Variants in ROBO2 observed in about 807,000 individuals in gnomAD.
ROBO2 encodes roundabout homolog 2.
Under a neutral mutation model 160.8 loss-of-function variants are expected in ROBO2, and 53 were observed. That is an observed-to-expected ratio of 0.33 (90% CI 0.26 to 0.41). The LOEUF is 0.41. ROBO2 is among the 10% of genes least tolerant of loss of function. ROBO2 has a pLI of 1.00. For synonymous variants in ROBO2, 664 were observed against 611.7 expected (o/e 1.09, Z -1.26); for missense variants, 1,577 against 1,722.4 (o/e 0.92, Z 1.49).
At chr3:77,376,490 A>G (rs1188115159) in intron 2 of ROBO2, among the ~76,000 whole-genome samples, 2 of 152,008 alleles carry the variant, frequency 1.3e-5, no homozygotes, top group African/African-American at 4.8e-5. Flanking sequence ...TATGTCAACA[A>G]GCTAAAATTC....
At position 77,187,531 on chromosome 3, in the gene ROBO2, A is replaced by G. The variant is rs74729106; in HGVS notation, c.388+89191A>G. Among the ~76,000 whole-genome samples the G allele has an allele frequency of 5.9e-3, 897 of 152,066 alleles. 18 individuals are homozygous for G. Among genetic ancestry groups the G allele is most frequent in the African/African-American group, 0.021 (873 of 41,538 alleles). On this transcript the variant is annotated intron_variant, in intron 2 of 25. Coordinates refer to ENST00000461745, the Ensembl canonical transcript of ROBO2. ...TTGGTCTCGTTTTTACAGGCAGGTG[A>G]ATATAATGACTTGTTGCACTTATAA...
chr3:76,431,203 T>C (rs2076422976), intron 2 of ROBO2, among the ~76,000 whole-genome samples: 1 of 152,086 alleles, frequency 6.6e-6, no homozygotes, highest in Non-Finnish European at 1.5e-5. Context: ...TTTGGTTTTA[T>C]GAAAGCATAA....
At chr3:77,440,357 A>G (rs532617775) in intron 2 of ROBO2, among the ~76,000 whole-genome samples, 1 of 152,266 alleles carries the variant, frequency 6.6e-6, no homozygotes, top group African/African-American at 2.4e-5. Flanking sequence ...CTCATTATTA[A>G]CTTGAGAGTC....
chr3:77,144,808 A>G (rs1379812935), intron 2 of ROBO2, among the ~76,000 whole-genome samples: 1 of 152,186 alleles, frequency 6.6e-6, no homozygotes, highest in Non-Finnish European at 1.5e-5. Context: ...ATAAACTTAA[A>G]TATAATTTAG....
intron 24 of ROBO2, among the ~76,000 whole-genome samples, chr3:77,637,089 T>A (rs1451482715): frequency 6.6e-6 from 1 of 152,186 alleles, no homozygotes; most frequent in Non-Finnish European, 1.5e-5. Context: ...AAACTGCACA[T>A]TAGAACCATC....
At chr3:77,078,425 T>C (rs2068250330) in intron 1 of ROBO2, among the ~76,000 whole-genome samples, 1 of 152,170 alleles carries the variant, frequency 6.6e-6, no homozygotes, top group East Asian at 1.9e-4. Flanking sequence ...TACACCAAGG[T>C]TCGGGAGTTA....
At chr3:76,222,721 A>G (rs1704047991) in intron 2 of ROBO2, among the ~76,000 whole-genome samples, 1 of 150,884 alleles carries the variant, frequency 6.6e-6, no homozygotes, top group South Asian at 2.1e-4. Flanking sequence ...ATAAATTCAG[A>G]CTGATCCAAG....
chr3:76,388,221 A>T (rs1274613882), intron 2 of ROBO2, among the ~76,000 whole-genome samples: 1 of 152,086 alleles, frequency 6.6e-6, no homozygotes, highest in Non-Finnish European at 1.5e-5. Context: ...GTTGTAAAGG[A>T]ACATTGTCCA....
chr3:76,626,691 T>C (rs1251492612), intron 2 of ROBO2, among the ~76,000 whole-genome samples: 2 of 152,174 alleles, frequency 1.3e-5, no homozygotes, highest in Non-Finnish European at 2.9e-5. Context: ...TAGAATCTTT[T>C]ATCTTTTTTT....
At chr3:76,008,250 A>G (rs1016747539) in intron 2 of ROBO2, among the ~76,000 whole-genome samples, 206 of 151,008 alleles carry the variant, frequency 1.4e-3, no homozygotes, top group African/African-American at 3.2e-3. Context: ...AAAAAAAAAA[A>G]AAAAGAAAAG....
In ROBO2 at chr3:77,107,199, A is replaced by T. The variant is rs543821265; in HGVS notation, c.388+8859A>T. Among the ~76,000 whole-genome samples, 4 of 152,288 alleles carry T rather than the reference A, an allele frequency of 2.6e-5. No homozygotes were observed. In the East Asian group the frequency reaches 7.7e-4, roughly 29 times the overall value. The stretch of plus-strand genomic sequence containing the variant: ...AAGAGCTCTGTCTCATGACCTAATC[A>T]TCTTCCAAACGCTCCACCTTCAGTG... On this transcript the variant is annotated intron_variant, in intron 2 of 25. Transcript: ENST00000461745.
intron 2 of ROBO2, among the ~76,000 whole-genome samples, chr3:76,958,110 A>G (rs890729461): frequency 2.0e-5 from 3 of 152,316 alleles, no homozygotes; most frequent in Admixed American, 6.5e-5. Flanking sequence ...ATTACTTTCT[A>G]TATTTCCAAG....
intron 2 of ROBO2, among the ~76,000 whole-genome samples, chr3:76,399,325 T>C (rs1428098868): frequency 1.3e-5 from 2 of 151,714 alleles, no homozygotes; most frequent in Non-Finnish European, 3.0e-5. Context: ...ATCTGTTCTT[T>C]ATGACAGCAC....
At position 77,527,351 on chromosome 3, in the gene ROBO2, T is replaced by C; in HGVS notation, c.934+4449T>C. 7.1e-6 allele frequency: 9 copies of C among 1,264,128 alleles called. No homozygotes were observed. In the South Asian group the frequency reaches 1.1e-4, roughly 16 times the overall value. 78.3% of individuals were successfully genotyped at this position (1,264,128 alleles called of 1,614,324 possible). The stretch of plus-strand genomic sequence containing the variant: ...CATGCATTCTGATAATTTTTCTTTC[T>C]TTTTTTTAATTTCTTTTTTATGTTC... On this transcript the variant is annotated intron_variant, in intron 6 of 25. Transcript: ENST00000461745.
chr3:77,125,910 G>GTTGTT (rs2075277752), intron 2 of ROBO2, among the ~76,000 whole-genome samples: 5 of 152,142 alleles, frequency 3.3e-5, no homozygotes, highest in African/African-American at 1.2e-4. Context: ...AGTACTATTA[G>GTTGTT]TTGTTTCACT....
intron 2 of ROBO2, among the ~76,000 whole-genome samples, chr3:77,102,468 C>T (rs1410143560): frequency 6.6e-6 from 1 of 152,002 alleles, no homozygotes; most frequent in East Asian, 1.9e-4. Flanking sequence ...GAACCACTGA[C>T]CTAGATGTAC....
intron 2 of ROBO2, among the ~76,000 whole-genome samples, chr3:77,269,907 C>G (rs1248973584): frequency 6.6e-6 from 1 of 152,054 alleles, no homozygotes. Context: ...ATAAACTAAA[C>G]TGCATAGCAA....
chr3:77,272,909 T>C (rs112616983), intron 2 of ROBO2, among the ~76,000 whole-genome samples: 1,651 of 152,316 alleles, frequency 0.011, 14 homozygotes, highest in Non-Finnish European at 0.016. Context: ...TATTAAGGAC[T>C]AGATATTCAT....
intron 2 of ROBO2, among the ~76,000 whole-genome samples, chr3:77,162,185 G>A (rs977090746): frequency 1.3e-5 from 2 of 151,440 alleles, no homozygotes; most frequent in Admixed American, 6.6e-5. Context: ...TGTAAAACAC[G>A]ACAGCTCAGG....
Sources: allele counts gnomAD v4.1 joint callset (sites outside exome capture counted in the v4.1 genomes callset), GRCh38; gene constraint gnomAD v4.1.1; transcripts MANE v1.5; gene names NCBI Gene and HGNC (gene_info 2026-07-23, HGNC 2026-07-21).